Variants in NRG1 observed in about 807,000 individuals in gnomAD.
NRG1 encodes pro-neuregulin-1, membrane-bound isoform.
NRG1 carries 18 observed loss-of-function variants against 63.8 expected under a neutral mutation model. That is an observed-to-expected ratio of 0.28 (90% CI 0.19 to 0.42). The LOEUF is 0.42. Among genes scored for constraint, NRG1 ranks in the 10% least tolerant of loss-of-function variants. The probability of loss-of-function intolerance (pLI) is 1.00; values close to 1 mark genes in which losing one functional copy is unlikely to be tolerated. For missense variants in NRG1, 762 were observed against 814.7 expected, an observed-to-expected ratio of 0.94 and a Z score of 0.79; for synonymous variants, 302 against 301.3, an observed-to-expected ratio of 1.00 and a Z score of -0.02.
intron 1 of NRG1, among the ~76,000 whole-genome samples, chr8:31,819,730 G>A (rs1563441502): frequency 6.6e-6 from 1 of 152,146 alleles, no homozygotes; most frequent in Non-Finnish European, 1.5e-5. Context: ...GATACATTAA[G>A]TGACCTGAGC....
intron 11 of NRG1, among the ~76,000 whole-genome samples, chr8:32,761,344 C>T (rs926888146): frequency 6.6e-6 from 1 of 151,904 alleles, no homozygotes; most frequent in African/African-American, 2.4e-5. Context: ...AATGTCAAAT[C>T]CATACTTATG....
chr8:31,798,627 T>A (rs1821463065), intron 1 of NRG1, among the ~76,000 whole-genome samples: 1 of 152,208 alleles, frequency 6.6e-6, no homozygotes, highest in Admixed American at 6.5e-5. Context: ...ACGGTTTTGT[T>A]TGCTTAATAC....
chr8:32,502,589 C>T (rs1202618005), intron 1 of NRG1, among the ~76,000 whole-genome samples: 1 of 150,986 alleles, frequency 6.6e-6, no homozygotes, highest in Non-Finnish European at 1.5e-5. Context: ...TCTATATCAA[C>T]TCACATTTTT....
At chr8:31,862,869 T>C (rs1452911709) in intron 1 of NRG1, among the ~76,000 whole-genome samples, 1 of 152,094 alleles carries the variant, frequency 6.6e-6, no homozygotes, top group East Asian at 1.9e-4. Context: ...GCAGGCACTG[T>C]GGGGAGCAGG....
intron 1 of NRG1, among the ~76,000 whole-genome samples, chr8:31,914,177 G>T (rs1419549569): frequency 1.3e-5 from 2 of 152,120 alleles, no homozygotes; most frequent in Non-Finnish European, 2.9e-5. Flanking sequence ...GATATTTCTA[G>T]ATTGGTTCAC....
chr8:31,945,804 G>T (rs902679970), intron 1 of NRG1, among the ~76,000 whole-genome samples: 7 of 152,036 alleles, frequency 4.6e-5, no homozygotes, highest in African/African-American at 1.7e-4. Flanking sequence ...CTTGTTATTT[G>T]ATCCCAAGAT....
intron 1 of NRG1, among the ~76,000 whole-genome samples, chr8:31,683,272 C>T (rs759585264): frequency 6.6e-6 from 1 of 151,992 alleles, no homozygotes; most frequent in Non-Finnish European, 1.5e-5. Context: ...TTATGATTGT[C>T]AAAACTTGGA....
intron 1 of NRG1, among the ~76,000 whole-genome samples, chr8:31,872,094 T>A (rs1829538059): frequency 6.6e-6 from 1 of 152,224 alleles, no homozygotes; most frequent in Non-Finnish European, 1.5e-5. Flanking sequence ...GCACAACATC[T>A]AACATTGTAA....
intron 1 of NRG1, among the ~76,000 whole-genome samples, chr8:31,876,986 G>T (rs372077072): frequency 1.1e-3 from 171 of 152,066 alleles, no homozygotes; most frequent in Middle Eastern, 6.8e-3. Context: ...TAATGGGTTG[G>T]GGAATGGCAA....
intron 1 of NRG1, among the ~76,000 whole-genome samples, chr8:32,459,947 GTGTT>G (rs1296710974): frequency 6.6e-6 from 1 of 152,178 alleles, no homozygotes; most frequent in East Asian, 1.9e-4. Context: ...CCTCAGGCTG[GTGTT>G]GGTAGCAGTC....
At chr8:32,046,184 G>T (rs969703714) in intron 1 of NRG1, among the ~76,000 whole-genome samples, 4 of 152,000 alleles carry the variant, frequency 2.6e-5, no homozygotes, top group Non-Finnish European at 5.9e-5. Context: ...TAATCAAACA[G>T]AACTATGTGC....
chr8:32,158,407 C>G (rs1838387461), intron 1 of NRG1, among the ~76,000 whole-genome samples: 1 of 126,870 alleles, frequency 7.9e-6, no homozygotes, highest in Non-Finnish European at 1.7e-5. Flanking sequence ...CCTCCCACCC[C>G]CAAAAATAGA....
chr8:31,787,415 A>T (rs1820283684), intron 1 of NRG1, among the ~76,000 whole-genome samples: 1 of 152,160 alleles, frequency 6.6e-6, no homozygotes, highest in Non-Finnish European at 1.5e-5. Flanking sequence ...TACCCTGCAT[A>T]TAGACATGGT....
At chr8:32,769,866 G>A (rs1339867594), downstream of NRG1, among the ~76,000 whole-genome samples, 1 of 152,114 alleles carries the variant, frequency 6.6e-6, no homozygotes, top group African/African-American at 2.4e-5. Flanking sequence ...TCTCTGGGTA[G>A]CTATTGATTT....
At chr8:32,280,732 A>G (rs1235712170) in intron 1 of NRG1, among the ~76,000 whole-genome samples, 1 of 81,138 alleles carries the variant, frequency 1.2e-5, no homozygotes, top group East Asian at 4.1e-4. Context: ...ACCATGAATC[A>G]CATTTTATTT....
chr8:32,167,227 G>GC (rs1474584157), intron 1 of NRG1, among the ~76,000 whole-genome samples: 1 of 152,166 alleles, frequency 6.6e-6, no homozygotes, highest in Non-Finnish European at 1.5e-5. Flanking sequence ...TAAAATGGCA[G>GC]CCCCTACCCC....
At chr8:32,561,339 G>A (rs1238087169) in intron 1 of NRG1, among the ~76,000 whole-genome samples, 4 of 152,140 alleles carry the variant, frequency 2.6e-5, no homozygotes, top group Admixed American at 6.6e-5. Flanking sequence ...TAAATCAACC[G>A]AATCTTTATA....
chr8:31,863,353 G>C (rs139724314), intron 1 of NRG1, among the ~76,000 whole-genome samples: 15 of 152,306 alleles, frequency 9.8e-5, no homozygotes, highest in African/African-American at 3.6e-4. Flanking sequence ...GTAGCAGTAA[G>C]TTTTATTAGG....
intron 1 of NRG1, among the ~76,000 whole-genome samples, chr8:31,716,332 T>G (rs1170308809): frequency 6.6e-6 from 1 of 152,246 alleles, no homozygotes; most frequent in Non-Finnish European, 1.5e-5. Context: ...CAAGTCATGT[T>G]CATAAATCAC....
Sources: allele counts gnomAD v4.1 joint callset (sites outside exome capture counted in the v4.1 genomes callset), GRCh38; gene constraint gnomAD v4.1.1; transcripts MANE v1.5; gene names NCBI Gene and HGNC (gene_info 2026-07-23, HGNC 2026-07-21).